ZFP14: variants seen among roughly 807,000 people sequenced by gnomAD.
ZFP14 encodes zinc finger protein 14 homolog.
Under a neutral mutation model 54.5 loss-of-function variants are expected in ZFP14, and 22 were observed. The ratio of observed to expected loss-of-function variants is 0.40; its 90% CI spans 0.29 to 0.58. The LOEUF is 0.58. Among genes scored for constraint, ZFP14 ranks in the 20% least tolerant of loss-of-function variants. The probability of loss-of-function intolerance (pLI) is 0.39; values close to 1 mark genes in which losing one functional copy is unlikely to be tolerated. For synonymous variants in ZFP14, 159 were observed against 204.0 expected, an observed-to-expected ratio of 0.78 and a Z score of 1.88; for missense variants, 470 against 637.8, an observed-to-expected ratio of 0.74 and a Z score of 2.83.
chr19:36,342,909 AAGCCAATCAT>A (rs1474813142), intron 4 of ZFP14, among the ~76,000 whole-genome samples: 1 of 152,028 alleles, frequency 6.6e-6, no homozygotes, highest in Non-Finnish European at 1.5e-5. Flanking sequence ...AATTACTCAT[AAGCCAATCAT>A]CTACATTATA....
chr19:36,337,194 T>C lies in ZFP14; in HGVS notation c.*3030A>G, dbSNP rs1300139412. On this transcript the variant is annotated 3_prime_UTR_variant, in exon 5 of 5. Coordinates refer to ENST00000270001, the MANE Select transcript of ZFP14 (RefSeq NM_020917.3). ...AGTAATGCCAACATACTGAATTTAG[T>C]TGATATGTCTCTTTAAGTCTCTTTT... is the stretch of plus-strand genomic sequence containing the variant. 1.3e-5 allele frequency: 2 copies of C among 152,212 alleles called. No individual in the cohort carries two copies. The highest frequency in any genetic ancestry group is 4.8e-5 in the African/African-American group (2 of 41,460). 9.4% of individuals were successfully genotyped at this position (152,212 alleles called of 1,614,324 possible).
intron 4 of ZFP14, among the ~76,000 whole-genome samples, chr19:36,356,901 G>A (rs1318218513): frequency 6.6e-6 from 1 of 151,968 alleles, no homozygotes; most frequent in African/African-American, 2.4e-5. Context: ...GCACTGAGCT[G>A]TGTATATACT....
chr19:36,364,396 T>C (rs1465056340), intron 2 of ZFP14, among the ~76,000 whole-genome samples: 1 of 152,022 alleles, frequency 6.6e-6, no homozygotes, highest in East Asian at 1.9e-4. Flanking sequence ...GTTCCTGCAG[T>C]GGTATGTGAT....
chr19:36,371,967 G>A (rs78911367), intron 1 of ZFP14, among the ~76,000 whole-genome samples: 4,882 of 113,894 alleles, frequency 0.043, 123 homozygotes, highest in Non-Finnish European at 0.054. Context: ...AAGGAAGGGA[G>A]ATAAGAAGGA....
chr19:36,370,678 G>T (rs1439426801), intron 1 of ZFP14, among the ~76,000 whole-genome samples: 1 of 152,242 alleles, frequency 6.6e-6, no homozygotes, highest in African/African-American at 2.4e-5. Flanking sequence ...AGAGAATGTG[G>T]TTCCAGCCTT....
At chr19:36,367,464 G>A (rs1450383620) in intron 2 of ZFP14, among the ~76,000 whole-genome samples, 2 of 152,076 alleles carry the variant, frequency 1.3e-5, no homozygotes, top group Non-Finnish European at 2.9e-5. Context: ...ATCCTCACAG[G>A]AGGGAAAAGA....
At chr19:36,366,554 C>T (rs1568473045) in intron 2 of ZFP14, among the ~76,000 whole-genome samples, 3 of 152,004 alleles carry the variant, frequency 2.0e-5, no homozygotes, top group South Asian at 2.1e-4. Context: ...TGAGCTTAAG[C>T]GATCTGCCCA....
rs760631605 is a variant in ZFP14 at position 36,340,651 on chromosome 19, C to T, written c.1175G>A (p.Arg392His). 26 of 1,613,948 alleles carry T rather than the reference C, an allele frequency of 1.6e-5. No individual in the cohort carries two copies. The highest frequency in any genetic ancestry group is 1.6e-4 in the Middle Eastern group (1 of 6,082). Reference protein sequence around the residue: ...QLVRHQRIHTREKPYECMECW... With the variant: ...QLVRHQRIHTHEKPYECMECW... ...TTCCATACATTCATAGGGTTTCTCA[C>T]GAGTATGTATTCTCTGATGGCGAAC... Residue 392 changes from arginine to histidine, a missense_variant, in exon 5 of 5, where the codon CGT becomes CAT. Coordinates refer to ENST00000270001, the MANE Select transcript of ZFP14 (RefSeq NM_020917.3). This position sits in a 1 kb window ranked among gnomAD's most constrained non-coding sequence, Gnocchi z 5.4.
In ZFP14 at chr19:36,355,213, T is replaced by C. The variant is rs1005893103; in HGVS notation, c.235+5222A>G. ...GAAAGACATATCAACCTAATCATAA[T>C]AGAAGCTAGAAAGAAACTGGGTCCT... On this transcript the variant is annotated intron_variant, in intron 4 of 4. Transcript: ENST00000270001. 2.8e-5 allele frequency among the ~76,000 whole-genome samples: 4 copies of C among 143,412 alleles called. 1 individual carries two copies. The highest frequency in any genetic ancestry group is 4.6e-5 in the Non-Finnish European group (3 of 64,600). 94.1% of individuals were successfully genotyped at this position (143,412 alleles called of 152,430 possible). A position where few individuals can be genotyped will look rare whatever the true frequency, so the allele number is the denominator to read the frequency against.
intron 4 of ZFP14, among the ~76,000 whole-genome samples, chr19:36,354,094 C>T (rs1211913407): frequency 3.8e-5 from 5 of 132,524 alleles, no homozygotes; most frequent in African/African-American, 1.4e-4. Context: ...AAAAAAAAGC[C>T]GGGCACAGTG....
rs149514612 is a variant in ZFP14 at position 36,345,367 on chromosome 19, A to G, written c.236-3777T>C. Among the ~76,000 whole-genome samples, 23 of 152,294 alleles carry G rather than the reference A, an allele frequency of 1.5e-4. No homozygotes were observed. The East Asian group carries it at 3.9e-3, about 26-fold the overall frequency. On this transcript the variant is annotated intron_variant, in intron 4 of 4. Coordinates refer to ENST00000270001, the MANE Select transcript of ZFP14 (RefSeq NM_020917.3). ...AGTATTTTTTTTCAATCATGCTAAC[A>G]TTGAAAGGCTTATGAAATCCTGAGC...
Position 36,361,638 on chromosome 19 carries a change from G to C in ZFP14, c.136+474C>G, listed in dbSNP as rs574134175. 5.3e-5 allele frequency among the ~76,000 whole-genome samples: 8 copies of C among 150,322 alleles called. No individual in the cohort carries two copies. In the South Asian group the frequency reaches 1.1e-3, roughly 20 times the overall value. On this transcript the variant is annotated intron_variant, in intron 3 of 4. Transcript: ENST00000270001. ...CAACCTCCGCCTCCTGGGTTTAAGT[G>C]ATTCTCCTGCCTCAGTCTCCCGAGT... is the stretch of plus-strand genomic sequence containing the variant.
At position 36,340,082 on chromosome 19, in the gene ZFP14, G is replaced by T; in HGVS notation, c.*142C>A. ...TGCTGAAGATAAACCATGTTTAAAT[G>T]GTGTTGGAAGGCTTTTAAATCAACA... is the stretch of plus-strand genomic sequence containing the variant. On this transcript the variant is annotated 3_prime_UTR_variant, in exon 5 of 5. Transcript: ENST00000270001. The surrounding 1 kb of genome is among the most constrained non-coding windows in gnomAD (Gnocchi z 5.4). 1 of 826,812 alleles carries T rather than the reference G, an allele frequency of 1.2e-6. No individual in the cohort carries two copies. The highest frequency in any genetic ancestry group is 1.7e-6 in the Non-Finnish European group (1 of 580,002). 51.2% of individuals were successfully genotyped at this position (826,812 alleles called of 1,614,324 possible). A position where few individuals can be genotyped will look rare whatever the true frequency, so the allele number is the denominator to read the frequency against.
At chr19:36,345,015 C>A (rs2031388195) in intron 4 of ZFP14, among the ~76,000 whole-genome samples, 2 of 152,220 alleles carry the variant, frequency 1.3e-5, no homozygotes, top group South Asian at 4.1e-4. Context: ...ATAATCCCAG[C>A]ACTTTGGGAG....
intron 4 of ZFP14, among the ~76,000 whole-genome samples, chr19:36,354,696 C>T (rs1340578239): frequency 7.0e-6 from 1 of 142,430 alleles, no homozygotes; most frequent in African/African-American, 2.6e-5. Flanking sequence ...TCTCTACTTG[C>T]CAACTTCCAT....
At chr19:36,342,639 T>C (rs932647613) in intron 4 of ZFP14, among the ~76,000 whole-genome samples, 17 of 152,104 alleles carry the variant, frequency 1.1e-4, no homozygotes, top group African/African-American at 4.1e-4. Flanking sequence ...ACACTGTACA[T>C]GAAAATAAAG....
chr19:36,349,261 A>G (rs2031480652), intron 4 of ZFP14, among the ~76,000 whole-genome samples: 1 of 135,638 alleles, frequency 7.4e-6, no homozygotes, highest in South Asian at 2.4e-4. Context: ...AAAAAACAAA[A>G]AAAAAAAAAC....
chr19:36,340,560 T>A lies in ZFP14; in HGVS notation c.1266A>T (p.Arg422Ser). ...TTCCACACTCTTCACATTCATAGGG[T>A]CTCTCACCAATATGAATGCTCTGGT... is the stretch of plus-strand genomic sequence containing the variant. ...ISHQSIHIGE[R>S]PYECEECGKA... Residue 422 changes from arginine (R) to serine (S), a missense_variant, in exon 5 of 5, where the codon AGA (arginine) becomes AGT (serine). Coordinates refer to ENST00000270001, the MANE Select transcript of ZFP14 (RefSeq NM_020917.3). The surrounding 1 kb of genome is among the most constrained non-coding windows in gnomAD (Gnocchi z 5.4). 2 of 1,614,034 alleles carry A rather than the reference T, an allele frequency of 1.2e-6. No homozygotes were observed. Among genetic ancestry groups the A allele is most frequent in the Non-Finnish European group, 1.7e-6 (2 of 1,179,978 alleles).
At chr19:36,358,045 GATCT>G (rs34306634) in intron 4 of ZFP14, among the ~76,000 whole-genome samples, 12,048 of 141,594 alleles carry the variant, frequency 0.085, 569 homozygotes, top group African/African-American at 0.12. Flanking sequence ...GCCCGGCTCT[GATCT>G]ATCTATCTAT....
Sources: gnomAD v4.1 joint callset for allele counts (sites outside exome capture counted in the v4.1 genomes callset) on GRCh38, gnomAD v4.1.1 for gene constraint, Gnocchi (gnomAD v3.1) non-coding constraint, MANE v1.5 for transcripts, NCBI Gene and HGNC (gene_info 2026-07-23, HGNC 2026-07-21) for gene names.